Variants in CD2AP observed in about 807,000 individuals in gnomAD.
The protein encoded by CD2AP is CD2-associated protein.
Under a neutral mutation model 85.1 loss-of-function variants are expected in CD2AP, and 46 were observed. The ratio of observed to expected loss-of-function variants is 0.54; its 90% CI spans 0.43 to 0.69. The LOEUF is 0.69. Among genes scored for constraint, CD2AP ranks in the 30% least tolerant of loss-of-function variants. The pLI, the probability that CD2AP is intolerant of heterozygous loss-of-function variation, is 0.00. For missense variants in CD2AP, 769 were observed against 729.5 expected, an observed-to-expected ratio of 1.05 and a Z score of -0.62; for synonymous variants, 255 against 252.9, an observed-to-expected ratio of 1.01 and a Z score of -0.08.
chr6:47,519,842 A>G (rs1766539269), intron 2 of CD2AP, among the ~76,000 whole-genome samples: 1 of 152,228 alleles, frequency 6.6e-6, no homozygotes, highest in Non-Finnish European at 1.5e-5. Flanking sequence ...GAACTTTTCA[A>G]ATTGCCCTTT....
chr6:47,492,852 A>G (rs1765768818), intron 1 of CD2AP, among the ~76,000 whole-genome samples: 1 of 151,954 alleles, frequency 6.6e-6, no homozygotes. Context: ...AGTGTTTTAT[A>G]TGATTCCATT....
At chr6:47,575,107 G>A (rs991836349) in intron 6 of CD2AP, among the ~76,000 whole-genome samples, 2 of 152,176 alleles carry the variant, frequency 1.3e-5, no homozygotes, top group African/African-American at 4.8e-5. Flanking sequence ...GAAGAGTTGG[G>A]TTCAGGAAAG....
chr6:47,589,491 T>C (rs932248794), intron 11 of CD2AP, among the ~76,000 whole-genome samples: 1 of 149,446 alleles, frequency 6.7e-6, no homozygotes, highest in Non-Finnish European at 1.5e-5. Context: ...CATATGTATG[T>C]GCACATATAT....
chr6:47,503,175 TA>T, intron 1 of CD2AP, 104 bp from the exon 2 acceptor site: 2 of 1,101,380 alleles, frequency 1.8e-6, no homozygotes, highest in Non-Finnish European at 2.7e-6. Flanking sequence ...TTTGTGGTAT[TA>T]AATATTGTTG....
intron 12 of CD2AP, among the ~76,000 whole-genome samples, chr6:47,598,620 G>C (rs1200427214): frequency 6.6e-6 from 1 of 150,944 alleles, no homozygotes; most frequent in Admixed American, 6.6e-5. Flanking sequence ...GATGGAATTG[G>C]AGACTCTTAT....
chr6:47,624,493 A>G lies in CD2AP; in HGVS notation c.*266A>G. On this transcript the variant is annotated 3_prime_UTR_variant, in exon 18 of 18. Coordinates refer to ENST00000359314, the MANE Select transcript of CD2AP (RefSeq NM_012120.3). ...ATTGTTTGCTTGAAAATACTACTGA[A>G]TATAAATAAGAATGTGCACAGTAGT... 2.4e-6 allele frequency: 1 copy of G among 419,842 alleles called. No homozygotes were observed. The highest frequency in any genetic ancestry group is 3.5e-5 in the South Asian group (1 of 28,432). 26.0% of individuals were successfully genotyped at this position (419,842 alleles called of 1,614,324 possible).
intron 2 of CD2AP, among the ~76,000 whole-genome samples, chr6:47,528,788 T>C (rs1391972223): frequency 6.6e-6 from 1 of 152,182 alleles, no homozygotes; most frequent in East Asian, 1.9e-4. Flanking sequence ...TGTGCCGGAA[T>C]AGGGAATCTA....
chr6:47,609,884 C>T (rs962540299), intron 16 of CD2AP, among the ~76,000 whole-genome samples: 3 of 152,072 alleles, frequency 2.0e-5, no homozygotes, highest in Non-Finnish European at 2.9e-5. Flanking sequence ...AGTTTTTAAA[C>T]TACTAGGAAA....
chr6:47,505,424 A>C (rs1189095811), intron 2 of CD2AP, among the ~76,000 whole-genome samples: 1 of 150,042 alleles, frequency 6.7e-6, no homozygotes, highest in Admixed American at 6.6e-5. Context: ...TCCCATGTCT[A>C]CCTCTTTCTA....
At chr6:47,515,360 T>C (rs1766425366) in intron 2 of CD2AP, among the ~76,000 whole-genome samples, 1 of 152,180 alleles carries the variant, frequency 6.6e-6, no homozygotes, top group Admixed American at 6.5e-5. Context: ...TAAAGTATAA[T>C]AGAGATCAGA....
At position 47,523,527 on chromosome 6, in the gene CD2AP, GA is replaced by G. The variant is rs1412213920; in HGVS notation, c.166-10072del. Among the ~76,000 whole-genome samples the G allele has an allele frequency of 2.0e-5, 3 of 152,196 alleles. No homozygotes were observed. In the East Asian group the frequency reaches 5.8e-4, roughly 29 times the overall value. On this transcript the variant is annotated intron_variant, in intron 2 of 17. Transcript: ENST00000359314. ...GTAAAAATAAAAATAAAAAACGGTT[GA>G]AAGAATGCCAAAGTTGTGTATAGTT...
intron 1 of CD2AP, among the ~76,000 whole-genome samples, chr6:47,487,073 T>C (rs1420085875): frequency 6.6e-6 from 1 of 152,218 alleles, no homozygotes; most frequent in Non-Finnish European, 1.5e-5. Flanking sequence ...GGTTGCAGTC[T>C]GATGAGTATT....
At chr6:47,557,950 A>C (rs1039954086) in intron 5 of CD2AP, among the ~76,000 whole-genome samples, 1 of 152,210 alleles carries the variant, frequency 6.6e-6, no homozygotes, top group Non-Finnish European at 1.5e-5. Flanking sequence ...GATTATTCCT[A>C]TCCATTAGCA....
At chr6:47,559,273 T>C (rs1767782826) in intron 5 of CD2AP, among the ~76,000 whole-genome samples, 1 of 151,640 alleles carries the variant, frequency 6.6e-6, no homozygotes, top group Non-Finnish European at 1.5e-5. Flanking sequence ...TTTTTTTTTT[T>C]TTAACAGGCA....
Position 47,503,269 on chromosome 6 carries a change from C to T in CD2AP, c.5-11C>T. ...AGATTTTAGACATTTCGTTTTTTCC[C>T]CCTTTTTTAGTTGACTATATTGTGG... On this transcript the variant is annotated splice_polypyrimidine_tract_variant and intron_variant, in intron 1 of 17. Coordinates refer to ENST00000359314, the MANE Select transcript of CD2AP (RefSeq NM_012120.3). 1 of 1,612,316 alleles carries T rather than the reference C, an allele frequency of 6.2e-7. No individual in the cohort carries two copies. The highest frequency in any genetic ancestry group is 8.5e-7 in the Non-Finnish European group (1 of 1,178,798).
Position 47,589,617 on chromosome 6 carries a change from A to G in CD2AP, c.1109-6244A>G, listed in dbSNP as rs188970759. Among the ~76,000 whole-genome samples, 317 of 148,726 alleles carry G rather than the reference A, an allele frequency of 2.1e-3. 2 individuals are homozygous for G. Among genetic ancestry groups the G allele is most frequent in the African/African-American group, 7.2e-3 (294 of 40,842 alleles). On this transcript the variant is annotated intron_variant, in intron 11 of 17. Coordinates refer to ENST00000359314, the MANE Select transcript of CD2AP (RefSeq NM_012120.3). ...CATCTGCTAGAAGTAGGAGAGCTAC[A>G]AATAAAATGAAGAATCATAAGATCA...
chr6:47,596,276 ACACTT>A (rs1337229983), intron 12 of CD2AP, among the ~76,000 whole-genome samples: 3 of 152,128 alleles, frequency 2.0e-5, no homozygotes, highest in Non-Finnish European at 4.4e-5. Context: ...TATGATGAGA[ACACTT>A]AACATTCACT....
At chr6:47,601,796 T>C (rs1219435094) in intron 13 of CD2AP, among the ~76,000 whole-genome samples, 3 of 152,038 alleles carry the variant, frequency 2.0e-5, no homozygotes, top group African/African-American at 7.2e-5. Context: ...CATGAAAAAC[T>C]TATTGAAAAT....
intron 5 of CD2AP, among the ~76,000 whole-genome samples, chr6:47,557,393 C>CT (rs1292000539): frequency 6.6e-6 from 1 of 152,120 alleles, no homozygotes; most frequent in African/African-American, 2.4e-5. Flanking sequence ...GTCATGAAGT[C>CT]TTTGCCCATG....
Sources: gnomAD v4.1 joint callset for allele counts (sites outside exome capture counted in the v4.1 genomes callset) on GRCh38, gnomAD v4.1.1 for gene constraint, MANE v1.5 for transcripts, NCBI Gene and HGNC (gene_info 2026-07-23, HGNC 2026-07-21) for gene names.